CDC37: variants seen among roughly 807,000 people sequenced by gnomAD.
CDC37 encodes the protein hsp90 co-chaperone Cdc37.
Under a neutral mutation model 46.9 loss-of-function variants are expected in CDC37, and 9 were observed. That is an observed-to-expected ratio of 0.19 (90% CI 0.12 to 0.33). CDC37 has a LOEUF of 0.33. Ranked by LOEUF, CDC37 falls within the 10% of genes least tolerant of loss-of-function variation. The pLI is 1.00. For missense variants in CDC37, 388 were observed against 514.6 expected (o/e 0.75, Z 2.38); for synonymous variants, 193 against 191.0 (o/e 1.01, Z -0.09).
rs2042493124 is a variant in CDC37, at chr19:10,396,480, G to A, written c.103-277C>T. ...ACATGGGCCCTACACAATCTGCCTC[G>A]GCACCTCCCCTGGTAACTCTTCCTT... is the stretch of plus-strand genomic sequence containing the variant. On this transcript the variant is annotated intron_variant, in intron 1 of 7. Transcript: ENST00000222005. This position sits in a 1 kb window ranked among gnomAD's most constrained non-coding sequence, Gnocchi z 5.9. Among the ~76,000 whole-genome samples the A allele has an allele frequency of 6.6e-6, 1 of 152,066 alleles. No homozygotes were observed. The highest frequency in any genetic ancestry group is 2.1e-4 in the South Asian group (1 of 4,824).
chr19:10,395,977 T>A lies in CDC37; in HGVS notation c.329A>T (p.Lys110Met). 6.6e-7 allele frequency: 1 copy of A among 1,516,090 alleles called. No individual in the cohort carries two copies. The highest frequency in any genetic ancestry group is 8.9e-7 in the Non-Finnish European group (1 of 1,119,620). 93.9% of individuals were successfully genotyped at this position (1,516,090 alleles called of 1,614,324 possible). Residue 110 changes from lysine (K) to methionine (M), a missense_variant, in exon 2 of 8, where the codon AAG (lysine) becomes ATG (methionine). By Grantham distance (95) the Lys-to-Met change is moderately conservative (BLOSUM62 -1). Transcript: ENST00000222005. ...CGTGTCCACGTTCCAGGGCATGCTC[T>A]TCTCCTTCTTGCGCATCTCCTCCAG... ...QKLEEMRKKE[K>M]SMPWNVDTLS...
rs570514486 is a variant in CDC37, at chr19:10,399,927, G to A, written c.102+3451C>T. On this transcript the variant is annotated intron_variant, in intron 1 of 7. Transcript: ENST00000222005. The stretch of plus-strand genomic sequence containing the variant: ...TGTCTGGGCAACAGAGTGAGACTCC[G>A]TCTTAAAAAAAAAAAAAAAAAAAAA... Among the ~76,000 whole-genome samples the A allele has an allele frequency of 1.9e-4, 12 of 64,750 alleles. No homozygotes were observed. In the East Asian group the frequency reaches 5.9e-3, roughly 32 times the overall value. 42.5% of individuals were successfully genotyped at this position (64,750 alleles called of 152,430 possible). A position where few individuals can be genotyped will look rare whatever the true frequency, so the allele number is the denominator to read the frequency against.
At chr19:10,397,415 CTTTTTTTTT>C (rs933052804) in intron 1 of CDC37, among the ~76,000 whole-genome samples, 1 of 86,844 alleles carries the variant, frequency 1.2e-5, no homozygotes, top group African/African-American at 5.3e-5. Flanking sequence ...CCAAGCCTGG[CTTTTTTTTT>C]TTTTTTTTTT....
Position 10,396,144 on chromosome 19 carries a change from G to A in CDC37, c.162C>T (p.Cys54=), listed in dbSNP as rs2042491137. The A allele has an allele frequency of 6.2e-7, 1 of 1,613,932 alleles. No homozygotes were observed. Among genetic ancestry groups the A allele is most frequent in the Non-Finnish European group, 8.5e-7 (1 of 1,180,004 alleles). Residue 54 remains cysteine (C), a synonymous_variant, in exon 2 of 8, where the codon TGC becomes TGT. Coordinates refer to ENST00000222005, the MANE Select transcript of CDC37 (RefSeq NM_007065.4). The surrounding 1 kb of genome is among the most constrained non-coding windows in gnomAD (Gnocchi z 5.9). ...QKEKEELDRG[C]RECKRKVAEC... is the part of the protein sequence containing the mutation. ...CGGCCACCTTGCGCTTGCACTCGCG[G>A]CAGCCCCTGTCCAGTTCCTCCTTCT...
At chr19:10,395,907 C>G in intron 2 of CDC37, 21 bp downstream of exon 2, 15 of 915,576 alleles carry the variant, frequency 1.6e-5, no homozygotes, top group Non-Finnish European at 2.1e-5. Context: ...GCGCACTGCC[C>G]GCCCCGCCCG....
In CDC37 at chr19:10,391,301, C is replaced by A. The variant is rs1442068327; in HGVS notation, c.*250G>T. ...CTGGTGACCTCTGCCCTTCCCCGGA[C>A]CCCCGGGCCTTTGGCATAATGCTGA... On this transcript the variant is annotated 3_prime_UTR_variant, in exon 8 of 8. Transcript: ENST00000222005. 3 of 517,674 alleles carry A rather than the reference C, an allele frequency of 5.8e-6. No homozygotes were observed. The highest frequency in any genetic ancestry group is 1.0e-5 in the Non-Finnish European group (3 of 287,842). The allele number at this position is 517,674 out of a possible 1,614,324, so 32.1% of individuals were successfully genotyped here.
intron 3 of CDC37, 21 bp downstream of exon 3, chr19:10,395,414 T>C: frequency 1.2e-6 from 2 of 1,609,372 alleles, no homozygotes; most frequent in Non-Finnish European, 1.7e-6. Flanking sequence ...TTGCCCCCCA[T>C]AACCCACAAG....
chr19:10,395,501 C>G lies in CDC37; in HGVS notation c.421G>C (p.Glu141Gln). The change falls in exon 3 of 8, where the codon GAG becomes CAG. Residue 141 changes from glutamate to glutamine, a missense_variant. Transcript: ENST00000222005. ...TTGTGTTTCTGCTCCCTCACCTCCT[C>G]TGAGTCCTCCTCCGTCTTCTCGGGC... ...TKPEKTEEDSEEVREQKHKTF... is the reference protein window; with the variant it reads ...TKPEKTEEDSQEVREQKHKTF... The G allele has an allele frequency of 1.2e-6, 2 of 1,614,234 alleles. No homozygotes were observed. The highest frequency in any genetic ancestry group is 1.7e-6 in the Non-Finnish European group (2 of 1,180,012).
At position 10,391,220 on chromosome 19, in the gene CDC37, G is replaced by C; in HGVS notation, c.*331C>G. The C allele has an allele frequency of 2.7e-6, 1 of 374,266 alleles. No homozygotes were observed. Among genetic ancestry groups the C allele is most frequent in the South Asian group, 2.7e-5 (1 of 36,468 alleles). 23.2% of individuals were successfully genotyped at this position (374,266 alleles called of 1,614,324 possible). A position where few individuals can be genotyped will look rare whatever the true frequency, so the allele number is the denominator to read the frequency against. On this transcript the variant is annotated 3_prime_UTR_variant, in exon 8 of 8. Coordinates refer to ENST00000222005, the MANE Select transcript of CDC37 (RefSeq NM_007065.4). ...AGACGAACAGTGAAAACAGAGCCCA[G>C]TGACGAGAGCCGGCCCCTTGGCTGG... is the stretch of plus-strand genomic sequence containing the variant.
Position 10,403,505 on chromosome 19 carries a change from C to A in CDC37, c.-26G>T. On this transcript the variant is annotated 5_prime_UTR_variant, in exon 1 of 8. Coordinates refer to ENST00000222005, the MANE Select transcript of CDC37 (RefSeq NM_007065.4). ...CTTGCCTTGGCGGCCCAGCCCGCTC[C>A]GGCTCGGGTGGCGGCGACGGCGGCA... The A allele has an allele frequency of 6.4e-7, 1 of 1,572,492 alleles. No individual in the cohort carries two copies. Among genetic ancestry groups the A allele is most frequent in the Non-Finnish European group, 8.7e-7 (1 of 1,145,438 alleles).
Position 10,403,531 on chromosome 19 carries a change from G to A in CDC37, c.-52C>T. 1.4e-6 allele frequency: 2 copies of A among 1,400,070 alleles called. No homozygotes were observed. Among genetic ancestry groups the A allele is most frequent in the East Asian group, 4.6e-5 (2 of 43,710 alleles). 86.7% of individuals were successfully genotyped at this position (1,400,070 alleles called of 1,614,324 possible). Reference sequence around the variant, plus strand: ...GGCTCGGGTGGCGGCGACGGCGGCAGCAGTGGAGACTAGGAGCGCGGAGCC... The same window carrying A: ...GGCTCGGGTGGCGGCGACGGCGGCAACAGTGGAGACTAGGAGCGCGGAGCC... On this transcript the variant is annotated 5_prime_UTR_variant, in exon 1 of 8. Coordinates refer to ENST00000222005, the MANE Select transcript of CDC37 (RefSeq NM_007065.4).
intron 1 of CDC37, 128 bp downstream of exon 1, chr19:10,403,250 T>C: frequency 2.9e-6 from 2 of 688,346 alleles, no homozygotes; most frequent in Non-Finnish European, 5.0e-6. Flanking sequence ...GAATCGAAGC[T>C]CCTGAAAATC....
chr19:10,393,771 T>C lies in CDC37; in HGVS notation c.727-330A>G. On this transcript the variant is annotated intron_variant, in intron 5 of 7. Coordinates refer to ENST00000222005, the MANE Select transcript of CDC37 (RefSeq NM_007065.4). The surrounding 1 kb of genome is among the most constrained non-coding windows in gnomAD (Gnocchi z 4.9). ...TCCCTAATCTCGGTAAGGATAGCCC[T>C]GTTCCTCCAGGTACGCAGGTTAAAA... The C allele has an allele frequency of 3.6e-6, 1 of 277,224 alleles. No individual in the cohort carries two copies. The allele number at this position is 277,224 out of a possible 1,614,324, so 17.2% of individuals were successfully genotyped here.
chr19:10,391,650 A>C lies in CDC37; in HGVS notation c.1038T>G (p.Ser346=). The C allele has an allele frequency of 6.2e-7, 1 of 1,613,962 alleles. No individual in the cohort carries two copies. The highest frequency in any genetic ancestry group is 1.1e-5 in the South Asian group (1 of 91,078). ...CTCCCTCCTTGGCCTCGCTGGCCTTAGAGTTGGGGACCCAGAGGCCAGAGT... is the reference window on the plus strand; with the variant it reads ...CTCCCTCCTTGGCCTCGCTGGCCTTCGAGTTGGGGACCCAGAGGCCAGAGT... ...CIDSGLWVPN[S]KASEAKEGEE... The change falls in exon 8 of 8, where the codon TCT becomes TCG. Residue 346 remains serine (S), a synonymous_variant. Transcript: ENST00000222005.
intron 7 of CDC37, chr19:10,392,685 A>G (rs552803104): frequency 8.8e-6 from 2 of 226,572 alleles, no homozygotes; most frequent in East Asian, 2.4e-4. Context: ...AGCCTGGGTG[A>G]GAGAGGAAGA....
Position 10,395,309 on chromosome 19 carries a change from G to A in CDC37, c.522C>T (p.Tyr174=). The A allele has an allele frequency of 1.2e-6, 2 of 1,614,124 alleles. No individual in the cohort carries two copies. The highest frequency in any genetic ancestry group is 1.7e-6 in the Non-Finnish European group (2 of 1,179,970). ...MLRRWDDSQK[Y]LSDNVHLVCE... is the part of the protein sequence containing the mutation. ...ACACCAGGTGGACGTTGTCTGACAG[G>A]TACTTTTGGCTGTCATCCCAGCGGC... Residue 174 remains tyrosine (Y), a synonymous_variant, in exon 4 of 8, where the codon TAC becomes TAT. Coordinates refer to ENST00000222005, the MANE Select transcript of CDC37 (RefSeq NM_007065.4).
intron 7 of CDC37, chr19:10,392,844 A>T (rs553786403): frequency 1.7e-6 from 1 of 573,890 alleles, no homozygotes; most frequent in African/African-American, 1.9e-5. Flanking sequence ...GGCTGGACTC[A>T]GTCACAGTAA....
At position 10,403,534 on chromosome 19, in the gene CDC37, G is replaced by C; in HGVS notation, c.-55C>G. ...TCGGGTGGCGGCGACGGCGGCAGCA[G>C]TGGAGACTAGGAGCGCGGAGCCCCG... On this transcript the variant is annotated 5_prime_UTR_variant, in exon 1 of 8. Coordinates refer to ENST00000222005, the MANE Select transcript of CDC37 (RefSeq NM_007065.4). 1 of 1,358,706 alleles carries C rather than the reference G, an allele frequency of 7.4e-7. No homozygotes were observed. The highest frequency in any genetic ancestry group is 1.0e-6 in the Non-Finnish European group (1 of 959,456). The allele number at this position is 1,358,706 out of a possible 1,614,324, so 84.2% of individuals were successfully genotyped here.
intron 2 of CDC37, 59 bp from the exon 3 acceptor site, chr19:10,395,602 G>T: frequency 7.7e-7 from 1 of 1,305,016 alleles, no homozygotes; most frequent in Non-Finnish European, 1.1e-6. Flanking sequence ...CCTCGAGCGC[G>T]GCCGGGCGGG....
Sources: allele counts gnomAD v4.1 joint callset (sites outside exome capture counted in the v4.1 genomes callset), GRCh38; gene constraint gnomAD v4.1.1; non-coding constraint Gnocchi (gnomAD v3.1); transcripts MANE v1.5; gene names NCBI Gene and HGNC (gene_info 2026-07-23, HGNC 2026-07-21).